The following PFKFB3 variants were observed in gnomAD, a reference collection of about 807,000 sequenced individuals.
PFKFB3 encodes 6-phosphofructo-2-kinase/fructose-2,6-bisphosphatase 3.
In PFKFB3, 33 loss-of-function variants were observed where a neutral mutation model predicts 68.0. The ratio of observed to expected loss-of-function variants is 0.49; its 90% CI spans 0.37 to 0.65. The LOEUF (loss-of-function observed/expected upper bound fraction) is 0.65. PFKFB3 is among the 30% of genes least tolerant of loss of function. The probability of loss-of-function intolerance (pLI) is 0.00; values close to 1 mark genes in which losing one functional copy is unlikely to be tolerated. For missense variants in PFKFB3, 586 were observed against 712.2 expected (o/e 0.82, Z 2.02); for synonymous variants, 315 against 288.2 (o/e 1.09, Z -0.94).
At chr10:6,168,693 C>T (rs1480532502) in intron 1 of PFKFB3, among the ~76,000 whole-genome samples, 2 of 152,156 alleles carry the variant, frequency 1.3e-5, no homozygotes, top group African/African-American at 2.4e-5. Flanking sequence ...GTTTAACGGA[C>T]CAGAAAATGG....
upstream of PFKFB3, among the ~76,000 whole-genome samples, chr10:6,201,453 G>A (rs1341730167): frequency 2.0e-5 from 3 of 147,930 alleles, no homozygotes; most frequent in Non-Finnish European, 4.5e-5. This position sits in a 1 kb window ranked among gnomAD's most constrained non-coding sequence, Gnocchi z 4.1. Context: ...CGAGGCGGGA[G>A]GGGGAGTGGG....
At chr10:6,184,092 G>T (rs1842801646) in intron 1 of PFKFB3, among the ~76,000 whole-genome samples, 1 of 148,406 alleles carries the variant, frequency 6.7e-6, no homozygotes, top group Non-Finnish European at 1.5e-5. Context: ...TTGCTCTGTT[G>T]CCCAGACTGG....
rs540232473 is a variant in PFKFB3, at chr10:6,181,779, T to TA, written c.17-31843dup. 2.6e-4 allele frequency among the ~76,000 whole-genome samples: 34 copies of TA among 128,682 alleles called. No homozygotes were observed. The East Asian group carries it at 3.3e-3, about 13-fold the overall frequency. The allele number at this position is 128,682 out of a possible 152,430, so 84.4% of individuals were successfully genotyped here. On this transcript the variant is annotated intron_variant, in intron 1 of 14. Transcript: ENST00000379789. ...TGCCACTGCACTCCAGCCTGGGCGA[T>TA]AGAGTAAGACTCCGTTTAAAAAAAA...
downstream of PFKFB3, among the ~76,000 whole-genome samples, chr10:6,239,097 G>C (rs1846086638): frequency 6.6e-6 from 1 of 152,202 alleles, no homozygotes; most frequent in Non-Finnish European, 1.5e-5. Context: ...TAATGGGATT[G>C]CTGGGTCGGA....
the PFKFB3 span, among the ~76,000 whole-genome samples, chr10:6,274,685 G>C: frequency 6.6e-6 from 1 of 151,840 alleles, no homozygotes; most frequent in African/African-American, 2.4e-5. Flanking sequence ...CATCTAAAAA[G>C]AATTAGCTGG....
chr10:6,268,642 AG>A, the PFKFB3 span, among the ~76,000 whole-genome samples: 1 of 151,540 alleles, frequency 6.6e-6, no homozygotes, highest in African/African-American at 2.4e-5. Flanking sequence ...ATAAATAAAT[AG>A]AAATTATATA....
chr10:6,265,816 C>G, the PFKFB3 span, among the ~76,000 whole-genome samples: 1 of 152,174 alleles, frequency 6.6e-6, no homozygotes, highest in Non-Finnish European at 1.5e-5. Flanking sequence ...ACATAATTTT[C>G]CAGCTCCACC....
chr10:6,145,815 T>C (rs1472918389), intron 1 of PFKFB3, among the ~76,000 whole-genome samples: 2 of 150,586 alleles, frequency 1.3e-5, no homozygotes, highest in Non-Finnish European at 3.0e-5. Flanking sequence ...CCGCCCTGCG[T>C]GCCAGAAAGG....
Position 6,220,901 on chromosome 10 carries a change from G to T in PFKFB3, c.831+36G>T. ...TGCTGCCGCATGGGCCGTTCTGGCT[G>T]TAGGGCGGTTGCAGGGTCTATAGGG... On this transcript the variant is annotated intron_variant, in intron 8 of 14. Coordinates refer to ENST00000379775, the MANE Select transcript of PFKFB3 (RefSeq NM_004566.4). This position sits in a 1 kb window ranked among gnomAD's most constrained non-coding sequence, Gnocchi z 4.1. The T allele has an allele frequency of 6.3e-7, 1 of 1,593,048 alleles. No individual in the cohort carries two copies. The highest frequency in any genetic ancestry group is 1.1e-5 in the South Asian group (1 of 90,772).
chr10:6,255,496 A>G (rs546373512), downstream of PFKFB3, among the ~76,000 whole-genome samples: 5 of 152,236 alleles, frequency 3.3e-5, no homozygotes, highest in South Asian at 1.0e-3. Context: ...ATTAATCCAT[A>G]ATAATGCAAA....
chr10:6,159,763 G>A (rs1259554079), intron 1 of PFKFB3, among the ~76,000 whole-genome samples: 2 of 151,274 alleles, frequency 1.3e-5, no homozygotes, highest in Admixed American at 6.7e-5. Flanking sequence ...CATATGGTAA[G>A]GTACTTTTTA....
chr10:6,183,210 CTT>C (rs1483896908), intron 1 of PFKFB3, among the ~76,000 whole-genome samples: 5 of 152,204 alleles, frequency 3.3e-5, no homozygotes, highest in African/African-American at 1.2e-4. Flanking sequence ...AGCACAAAGA[CTT>C]TGAACAGCTG....
At chr10:6,222,806 C>A (rs779897634) in intron 10 of PFKFB3, 49 bp from the exon 11 acceptor site, 8 of 1,565,424 alleles carry the variant, frequency 5.1e-6, no homozygotes, top group Non-Finnish European at 6.9e-6. Flanking sequence ...AGCGGCAGAG[C>A]CCCTCCCGAG....
intron 1 of PFKFB3, among the ~76,000 whole-genome samples, chr10:6,181,937 A>G (rs1842726004): frequency 6.6e-6 from 1 of 151,986 alleles, no homozygotes; most frequent in Non-Finnish European, 1.5e-5. Context: ...TGGTGTTTAA[A>G]TGGGGACACA....
upstream of PFKFB3, among the ~76,000 whole-genome samples, chr10:6,199,219 T>A (rs966562895): frequency 2.6e-5 from 4 of 152,226 alleles, no homozygotes; most frequent in African/African-American, 9.6e-5. Flanking sequence ...GCTTGTCACC[T>A]CACTCTCTCT....
At chr10:6,277,516 C>T in the PFKFB3 span, among the ~76,000 whole-genome samples, 2 of 152,268 alleles carry the variant, frequency 1.3e-5, no homozygotes, top group South Asian at 2.1e-4. Context: ...CCACCACACC[C>T]GGCCGTGGGG....
intron 14 of PFKFB3, among the ~76,000 whole-genome samples, chr10:6,226,785 T>G (rs561691227): frequency 6.6e-6 from 1 of 152,194 alleles, no homozygotes; most frequent in East Asian, 1.9e-4. Flanking sequence ...CAGCAGGTAG[T>G]AAAAAACCTA....
chr10:6,254,585 C>T, exon 15 of PFKFB3: 1 of 374,300 alleles, frequency 2.7e-6, no homozygotes, highest in Non-Finnish European at 4.7e-6. Context: ...TTCGAGTTCC[C>T]ATACAACCAT....
At chr10:6,203,929 G>A (rs1391220799) in intron 1 of PFKFB3, among the ~76,000 whole-genome samples, 1 of 151,394 alleles carries the variant, frequency 6.6e-6, no homozygotes, top group Non-Finnish European at 1.5e-5. Context: ...TCTCTCTTCC[G>A]TGCATCTCCA....
Sources: allele counts gnomAD v4.1 joint callset (sites outside exome capture counted in the v4.1 genomes callset), GRCh38; gene constraint gnomAD v4.1.1; non-coding constraint Gnocchi (gnomAD v3.1); transcripts MANE v1.5; gene names NCBI Gene and HGNC (gene_info 2026-07-23, HGNC 2026-07-21).